The following SH3KBP1 variants were observed in gnomAD, a reference collection of about 807,000 sequenced individuals.
SH3KBP1 encodes SH3 domain-containing kinase-binding protein 1.
In SH3KBP1, 8 loss-of-function variants were observed where a neutral mutation model predicts 50.1. The observed-to-expected ratio is 0.16, with a 90% CI of 0.09 to 0.29. The LOEUF is 0.29. Among genes scored for constraint, SH3KBP1 ranks in the 10% least tolerant of loss-of-function variants. SH3KBP1 has a pLI of 1.00. For synonymous variants in SH3KBP1, 227 were observed against 218.6 expected, an observed-to-expected ratio of 1.04 and a Z score of -0.34; for missense variants, 377 against 535.2, an observed-to-expected ratio of 0.70 and a Z score of 2.92.
At chrX:19,746,258 C>T (rs760023100) in intron 3 of SH3KBP1, 60 bp downstream of exon 3, 236 of 1,159,530 alleles carry the variant, frequency 2.0e-4, no homozygotes, top group Middle Eastern at 1.7e-3. Context: ...ACACAGTTCA[C>T]CAGAAGTTTC....
At chrX:19,720,774 C>T (rs1287225588) in intron 3 of SH3KBP1, among the ~76,000 whole-genome samples, 1 of 111,333 alleles carries the variant, frequency 9.0e-6, no homozygotes, top group Non-Finnish European at 1.9e-5. Flanking sequence ...AAAAAAGACA[C>T]AAACATTTGA....
chrX:19,854,160 G>GGT (rs2068586940), intron 1 of SH3KBP1, among the ~76,000 whole-genome samples: 1 of 110,075 alleles, frequency 9.1e-6, no homozygotes, highest in African/African-American at 3.3e-5. Flanking sequence ...CTATTGCCCA[G>GGT]GCTGGAGTGC....
At chrX:19,637,136 C>T (rs913145526) in intron 7 of SH3KBP1, among the ~76,000 whole-genome samples, 5 of 112,253 alleles carry the variant, frequency 4.5e-5, no homozygotes, top group African/African-American at 6.5e-5. Flanking sequence ...CCATATAATA[C>T]GTAACATCCT....
At chrX:19,878,505 T>TGTGTGTGTGTGTGTGTGTGAGAGA (rs1491094714) in intron 1 of SH3KBP1, among the ~76,000 whole-genome samples, 76 of 48,231 alleles carry the variant, frequency 1.6e-3, no homozygotes, top group African/African-American at 3.9e-3. Flanking sequence ...TGTGTGTGTG[T>TGTGTGTGTGTGTGTGTGTGAGAGA]GAGAGAGAGA....
intron 2 of SH3KBP1, among the ~76,000 whole-genome samples, chrX:19,778,440 A>G (rs2066056077): frequency 9.2e-6 from 1 of 108,156 alleles, no homozygotes; most frequent in South Asian, 4.0e-4. Flanking sequence ...CAAAAAAAAA[A>G]AAAAAAAGAA....
intron 2 of SH3KBP1, among the ~76,000 whole-genome samples, chrX:19,791,686 G>A (rs906569664): frequency 9.0e-6 from 1 of 111,436 alleles, no homozygotes; most frequent in African/African-American, 3.3e-5. Context: ...ATATAGCCTT[G>A]AATTTCTTTC....
chrX:19,542,481 C>T (rs2064949457), intron 15 of SH3KBP1, among the ~76,000 whole-genome samples: 1 of 112,002 alleles, frequency 8.9e-6, no homozygotes, highest in South Asian at 3.7e-4. Flanking sequence ...CCAGGCACCA[C>T]AAACTCTGAA....
At chrX:19,631,811 C>T in intron 8 of SH3KBP1, 53 bp downstream of exon 8, 1 of 814,587 alleles carries the variant, frequency 1.2e-6, no homozygotes, top group Middle Eastern at 2.8e-4. Context: ...ACTGTCCAGT[C>T]AACACCCCAA....
chrX:19,692,669 G>C (rs370614415), intron 5 of SH3KBP1, among the ~76,000 whole-genome samples: 2 of 76,202 alleles, frequency 2.6e-5, no homozygotes, highest in African/African-American at 6.1e-5. Flanking sequence ...GTGTGTGTGT[G>C]TATGTATATA....
intron 3 of SH3KBP1, among the ~76,000 whole-genome samples, chrX:19,709,274 C>T (rs1473610329): frequency 8.9e-6 from 1 of 111,893 alleles, no homozygotes. Flanking sequence ...GTAAGCCCTA[C>T]AGAGGGCACA....
At chrX:19,567,732 T>C (rs2065895262) in intron 13 of SH3KBP1, among the ~76,000 whole-genome samples, 1 of 105,646 alleles carries the variant, frequency 9.5e-6, no homozygotes, top group African/African-American at 3.5e-5. Flanking sequence ...TACACAGATT[T>C]CTATTACTTC....
chrX:19,716,974 A>G (rs2063926464), intron 3 of SH3KBP1, among the ~76,000 whole-genome samples: 1 of 110,868 alleles, frequency 9.0e-6, no homozygotes, highest in Non-Finnish European at 1.9e-5. Context: ...TTCTGGATAG[A>G]GAAGCGTAGA....
At chrX:19,575,860 C>T (rs1253505368) in intron 12 of SH3KBP1, among the ~76,000 whole-genome samples, 1 of 111,773 alleles carries the variant, frequency 8.9e-6, no homozygotes, top group African/African-American at 3.3e-5. Context: ...TGGCTGACAC[C>T]CAATGAGGAT....
At position 19,760,040 on chromosome X, in the gene SH3KBP1, C is replaced by CT. The variant is rs1491170018; in HGVS notation, c.163-13600_163-13599insA. Among the ~76,000 whole-genome samples, 167 of 64,030 alleles carry CT rather than the reference C, an allele frequency of 2.6e-3. 6 individuals are homozygous for CT. The highest frequency in any genetic ancestry group is 0.011 in the African/African-American group (134 of 11,869). The allele number at this position is 64,030 out of a possible 115,157, so 55.6% of individuals were successfully genotyped here. A position where few individuals can be genotyped will look rare whatever the true frequency, so the allele number is the denominator to read the frequency against. Reference sequence around the variant, plus strand: ...CTCTCTCTCCTCTCTCTCTCTCTCTCCCTCTCTCTCTCTCTCTCTCTCTCT... The same window carrying CT: ...CTCTCTCTCCTCTCTCTCTCTCTCTCTCCTCTCTCTCTCTCTCTCTCTCTCT... On this transcript the variant is annotated intron_variant, in intron 2 of 17. Coordinates refer to ENST00000397821, the MANE Select transcript of SH3KBP1 (RefSeq NM_031892.3).
chrX:19,616,817 C>T (rs1281770512), intron 8 of SH3KBP1, among the ~76,000 whole-genome samples: 4 of 110,745 alleles, frequency 3.6e-5, no homozygotes, highest in African/African-American at 1.3e-4. Context: ...GTTCTCAACA[C>T]GAGGATAGCA....
chrX:19,591,370 C>T (rs1172623982), intron 11 of SH3KBP1, among the ~76,000 whole-genome samples: 1 of 111,762 alleles, frequency 8.9e-6, no homozygotes, highest in East Asian at 2.8e-4. Flanking sequence ...AGTCCTTCTA[C>T]AGTATGCAGA....
chrX:19,870,543 G>A (rs1031430494), intron 1 of SH3KBP1, among the ~76,000 whole-genome samples: 2 of 111,319 alleles, frequency 1.8e-5, no homozygotes, highest in Admixed American at 9.5e-5. Flanking sequence ...ACAGGGTATC[G>A]CCATGTTGCC....
intron 2 of SH3KBP1, among the ~76,000 whole-genome samples, chrX:19,780,127 T>C (rs1421427807): frequency 2.8e-5 from 3 of 108,683 alleles, no homozygotes; most frequent in East Asian, 2.9e-4. Context: ...TTTTAATGAT[T>C]GCCATTCTAA....
At chrX:19,605,856 C>T (rs567323817) in intron 9 of SH3KBP1, among the ~76,000 whole-genome samples, 33 of 112,211 alleles carry the variant, frequency 2.9e-4, no homozygotes, top group Admixed American at 2.4e-3. Flanking sequence ...AAAGATTATG[C>T]CATTCTGTGC....
Sources: allele counts gnomAD v4.1 joint callset (sites outside exome capture counted in the v4.1 genomes callset), GRCh38; gene constraint gnomAD v4.1.1; transcripts MANE v1.5; gene names NCBI Gene and HGNC (gene_info 2026-07-23, HGNC 2026-07-21).